RRP12: variants seen among roughly 807,000 people sequenced by gnomAD.
RRP12 encodes RRP12-like protein.
A neutral mutation model predicts 157.3 loss-of-function variants in RRP12; 78 were observed. The observed-to-expected ratio is 0.50, with a 90% CI of 0.41 to 0.60. The LOEUF (loss-of-function observed/expected upper bound fraction) is 0.60. RRP12 is among the 20% of genes least tolerant of loss of function. RRP12 has a pLI of 0.00. For synonymous variants in RRP12, 726 were observed against 670.9 expected, an observed-to-expected ratio of 1.08 and a Z score of -1.27; for missense variants, 1,521 against 1,679.9, an observed-to-expected ratio of 0.91 and a Z score of 1.65.
chr10:97,384,866 C>T (rs371250370), intron 10 of RRP12, among the ~76,000 whole-genome samples: 3 of 151,024 alleles, frequency 2.0e-5, no homozygotes, highest in Non-Finnish European at 4.4e-5. Context: ...CAACCTCAGC[C>T]GGGACGGAGG....
chr10:97,369,320 T>C, intron 25 of RRP12, 105 bp downstream of exon 25: 1 of 1,233,808 alleles, frequency 8.1e-7, no homozygotes, highest in Admixed American at 2.1e-5. Flanking sequence ...GACCTCTGGC[T>C]ACAAAAAAAA....
intron 15 of RRP12, among the ~76,000 whole-genome samples, chr10:97,375,840 A>G (rs1844290150): frequency 6.6e-6 from 1 of 152,228 alleles, no homozygotes; most frequent in Non-Finnish European, 1.5e-5. Context: ...ATGGTGGCTC[A>G]CACCTGTAAT....
rs1216350016 is a variant in RRP12, at chr10:97,396,321, C to T, written c.370-20G>A. ...ACAGATCTGCACAGGAGGGAGAAAG[C>T]ACTGTGACTATTTTAGACCTAACCC... On this transcript the variant is annotated intron_variant, in intron 2 of 33. Transcript: ENST00000370992. 3 of 1,602,298 alleles carry T rather than the reference C, an allele frequency of 1.9e-6. No individual in the cohort carries two copies. Among genetic ancestry groups the T allele is most frequent in the South Asian group, 1.1e-5 (1 of 90,872 alleles).
rs772486036 is a variant in RRP12 at position 97,370,604 on chromosome 10, G to GC, written c.2584-45dup. 31 of 1,588,220 alleles carry GC rather than the reference G, an allele frequency of 2.0e-5. 1 individual carries two copies. In the African/African-American group the frequency reaches 3.2e-4, roughly 17 times the overall value. On this transcript the variant is annotated intron_variant, in intron 22 of 33. Transcript: ENST00000370992. ...TCAGCATCTGCTCCCTGAGCCATCT[G>GC]CCCGGGAAGCGAATCGAGTCCTCCC...
At chr10:97,388,794 A>G (rs1405615566) in intron 6 of RRP12, among the ~76,000 whole-genome samples, 170 bp from the exon 7 acceptor site, 3 of 152,220 alleles carry the variant, frequency 2.0e-5, no homozygotes, top group Non-Finnish European at 4.4e-5. Flanking sequence ...CAGAATCCTG[A>G]GCTGTGAAGC....
In RRP12 at chr10:97,365,080, G is replaced by A. The variant is rs376947737; in HGVS notation, c.3517+1028C>T. 1.6e-4 allele frequency among the ~76,000 whole-genome samples: 24 copies of A among 152,198 alleles called. No individual in the cohort carries two copies. The South Asian group carries it at 4.1e-3, about 26-fold the overall frequency. ...GGAAAAGTGGGTATTAGGATTGTATGATATCCACTCTGAAGCAAGGAAACG... is the reference window on the plus strand; with the variant it reads ...GGAAAAGTGGGTATTAGGATTGTATAATATCCACTCTGAAGCAAGGAAACG... On this transcript the variant is annotated intron_variant, in intron 29 of 33. Coordinates refer to ENST00000370992, the MANE Select transcript of RRP12 (RefSeq NM_015179.4).
chr10:97,395,205 T>C (rs1000790761), intron 3 of RRP12, among the ~76,000 whole-genome samples: 2 of 105,166 alleles, frequency 1.9e-5, no homozygotes, highest in Non-Finnish European at 3.9e-5. Flanking sequence ...TATATACACA[T>C]ATACACACAC....
At chr10:97,366,334 C>T in intron 28 of RRP12, 101 bp from the exon 29 acceptor site, 1 of 1,564,496 alleles carries the variant, frequency 6.4e-7, no homozygotes, top group Non-Finnish European at 8.6e-7. Flanking sequence ...AAACGGGCGC[C>T]TCTCAGCCCT....
intron 30 of RRP12, among the ~76,000 whole-genome samples, chr10:97,360,931 A>C (rs1404084925): frequency 1.4e-4 from 22 of 152,162 alleles, no homozygotes; most frequent in Admixed American, 1.4e-3. Flanking sequence ...TTCTGACATC[A>C]GCTTACCCAG....
chr10:97,386,079 G>A, intron 8 of RRP12, 86 bp from the exon 9 acceptor site: 1 of 835,614 alleles, frequency 1.2e-6, no homozygotes. Context: ...GTGCTAGGGA[G>A]TTGAGGGCCC....
At position 97,370,437 on chromosome 10, in the gene RRP12, C is replaced by T. The variant is rs780433913; in HGVS notation, c.2689+18G>A. 8.9e-6 allele frequency: 14 copies of T among 1,567,644 alleles called. No individual in the cohort carries two copies. The South Asian group carries it at 1.5e-4, about 17-fold the overall frequency. The stretch of plus-strand genomic sequence containing the variant: ...AGTCTATGAGCAGAGTGTCCACCCC[C>T]AGCCCCCTGGGCCTCACCTTCCTGG... On this transcript the variant is annotated intron_variant, in intron 23 of 33. Transcript: ENST00000370992.
intron 18 of RRP12, 103 bp downstream of exon 18, chr10:97,372,941 AAC>A (rs1844198821): frequency 2.0e-6 from 3 of 1,464,052 alleles, no homozygotes; most frequent in Non-Finnish European, 1.9e-6. Flanking sequence ...TGTGCTCCAA[AAC>A]ACAGAGACCC....
intron 15 of RRP12, among the ~76,000 whole-genome samples, chr10:97,375,431 TAACTGG>T (rs1844278696): frequency 6.6e-6 from 1 of 152,098 alleles, no homozygotes; most frequent in Non-Finnish European, 1.5e-5. Flanking sequence ...ATAACTAATT[TAACTGG>T]AACCCTAATG....
rs755250632 is a variant in RRP12, at chr10:97,400,485, C to T, written c.189G>A (p.Gln63=). ...VDAVKLHNEL[Q]SGSLRLGKSE... ...TTTTGCCCAAGCGCAAGGACCCTGA[C>T]TGCAGCTCATTATGTAACTTCACAG... Residue 63 remains glutamine (Q), a synonymous_variant, in exon 2 of 34, where the codon CAG becomes CAA. Coordinates refer to ENST00000370992, the MANE Select transcript of RRP12 (RefSeq NM_015179.4). The T allele has an allele frequency of 4.3e-6, 7 of 1,614,146 alleles. No homozygotes were observed. In the Admixed American group the frequency reaches 8.3e-5, roughly 19 times the overall value.
At chr10:97,365,809 G>A in intron 29 of RRP12, 1 of 297,358 alleles carries the variant, frequency 3.4e-6, no homozygotes, top group South Asian at 4.4e-5. Context: ...GAGAAAGGAA[G>A]AGGAGGGGGA....
intron 15 of RRP12, among the ~76,000 whole-genome samples, chr10:97,375,249 C>T (rs1299984515): frequency 2.2e-5 from 3 of 136,544 alleles, no homozygotes; most frequent in Non-Finnish European, 4.7e-5. Context: ...GAGCCTACCA[C>T]ACCTGGCTAA....
chr10:97,370,620 G>C, intron 22 of RRP12, 60 bp from the exon 23 acceptor site: 1 of 1,583,094 alleles, frequency 6.3e-7, no homozygotes, highest in South Asian at 1.1e-5. Context: ...GAAGCGAATC[G>C]AGTCCTCCCA....
At chr10:97,363,648 T>C (rs1843898860) in intron 30 of RRP12, among the ~76,000 whole-genome samples, 1 of 152,176 alleles carries the variant, frequency 6.6e-6, no homozygotes, top group Non-Finnish European at 1.5e-5. Flanking sequence ...GGTCTCTGCC[T>C]TCTTTCTCCT....
rs1199755758 is a variant in RRP12 at position 97,373,657 on chromosome 10, G to A, written c.1944C>T (p.Gly648=). The change falls in exon 17 of 34, where the codon GGC becomes GGT. Residue 648 remains glycine, a synonymous_variant. Transcript: ENST00000370992. ...ISFKGLARTL[G]MAISERPDLR... is the part of the protein sequence containing the mutation. ...GGTCTGGACGCTCGCTGATGGCCAT[G>A]CCCAGCGTCCGTGCCAGCCCTTTGA... 6.2e-7 allele frequency: 1 copy of A among 1,613,786 alleles called. No homozygotes were observed. The highest frequency in any genetic ancestry group is 1.3e-5 in the African/African-American group (1 of 74,934).
Sources: gnomAD v4.1 joint callset for allele counts (sites outside exome capture counted in the v4.1 genomes callset) on GRCh38, gnomAD v4.1.1 for gene constraint, MANE v1.5 for transcripts, NCBI Gene and HGNC (gene_info 2026-07-23, HGNC 2026-07-21) for gene names.